SETD1B: variants seen among roughly 807,000 people sequenced by gnomAD.
SETD1B encodes the protein SET domain containing 1B, histone lysine methyltransferase.
Under a neutral mutation model 148.0 loss-of-function variants are expected in SETD1B, and 7 were observed. That is an observed-to-expected ratio of 0.05 (90% CI 0.03 to 0.09). The LOEUF is 0.09. Among genes scored for constraint, SETD1B ranks in the 10% least tolerant of loss-of-function variants. SETD1B has a pLI of 1.00. For missense variants in SETD1B, 2,155 were observed against 2,729.9 expected (o/e 0.79, Z 4.69); for synonymous variants, 1,361 against 1,186.5 (o/e 1.15, Z -3.02).
chr12:121,825,495 A>C, intron 13 of SETD1B, 129 bp downstream of exon 13: 2 of 640,554 alleles, frequency 3.1e-6, no homozygotes, highest in Non-Finnish European at 5.0e-6. Context: ...CAGAGGGTGC[A>C]AGTGGAAGGG....
chr12:121,819,567 G>A lies in SETD1B; in HGVS notation c.3582G>A (p.Glu1194=). 6.4e-7 allele frequency: 1 copy of A among 1,552,628 alleles called. No homozygotes were observed. The highest frequency in any genetic ancestry group is 8.7e-7 in the Non-Finnish European group (1 of 1,147,320). ...AGGAGGAAGAAGAGGAGGAGGAGGA[G>A]ATGGTGGCCGAGGAAAGCATGGCTT... ...REEEEEEEEE[E]MVAEESMASA... Residue 1194 remains glutamate (E), a synonymous_variant, in exon 11 of 17, where the codon GAG becomes GAA. Transcript: ENST00000604567.
chr12:121,797,298 G>T, the SETD1B span: 1 of 384,502 alleles, frequency 2.6e-6, no homozygotes, highest in South Asian at 1.9e-5. Flanking sequence ...CCACCTCCTG[G>T]CCGGCCCTTC....
At chr12:121,824,657 A>AAC (rs1555338238) in intron 12 of SETD1B, among the ~76,000 whole-genome samples, 1 of 151,020 alleles carries the variant, frequency 6.6e-6, no homozygotes, top group African/African-American at 2.4e-5. Flanking sequence ...AAAAAAAAAA[A>AAC]AAAACTCTGC....
At position 121,810,191 on chromosome 12, in the gene SETD1B, G is replaced by A. The variant is rs1284674838; in HGVS notation, c.1246G>A (p.Ala416Thr). 3.2e-5 allele frequency: 49 copies of A among 1,549,442 alleles called. No individual in the cohort carries two copies. The highest frequency in any genetic ancestry group is 3.9e-5 in the Admixed American group (2 of 50,962). The stretch of plus-strand genomic sequence containing the variant: ...CCCTCCACCCCCGGAAGAGCCCACC[G>A]CCACAGCCGCTTTTGGGGCCCGCGA... ...HFPPPPEEPT[A>T]TAAFGARDSG... The change falls in exon 6 of 17, where the codon GCC (alanine) becomes ACC (threonine). Residue 416 changes from alanine (A) to threonine (T), a missense_variant. Ala to Thr is a moderately conservative substitution (Grantham distance 58). This residue lies in a region of SETD1B where 376 missense variants were observed against 385.0 expected (regional missense o/e 0.98). Transcript: ENST00000604567. This position sits in a 1 kb window ranked among gnomAD's most constrained non-coding sequence, Gnocchi z 7.6.
At chr12:121,814,001 TCA>T in intron 6 of SETD1B, 103 bp from the exon 7 acceptor site, 1 of 924,946 alleles carries the variant, frequency 1.1e-6, no homozygotes. Flanking sequence ...TTGCACTGGG[TCA>T]CACAGCTGGG....
chr12:121,810,882 T>A lies in SETD1B; in HGVS notation c.1890+47T>A. 7 of 1,448,880 alleles carry A rather than the reference T, an allele frequency of 4.8e-6. No homozygotes were observed. The highest frequency in any genetic ancestry group is 6.4e-6 in the Non-Finnish European group (7 of 1,095,310). The allele number at this position is 1,448,880 out of a possible 1,614,324, so 89.8% of individuals were successfully genotyped here. A position where few individuals can be genotyped will look rare whatever the true frequency, so the allele number is the denominator to read the frequency against. On this transcript the variant is annotated intron_variant, in intron 6 of 16. Transcript: ENST00000604567. The surrounding 1 kb of genome is among the most constrained non-coding windows in gnomAD (Gnocchi z 7.6). Reference sequence around the variant, plus strand: ...TGTCTGGGACTGGTTTTGTCTATCTTGTATCTCCCTTTCCCCCTTCAAGCA... The same window carrying A: ...TGTCTGGGACTGGTTTTGTCTATCTAGTATCTCCCTTTCCCCCTTCAAGCA...
At chr12:121,825,548 C>T (rs1876800300) in intron 13 of SETD1B, among the ~76,000 whole-genome samples, 182 bp downstream of exon 13, 1 of 152,130 alleles carries the variant, frequency 6.6e-6, no homozygotes, top group Admixed American at 6.5e-5. Flanking sequence ...AGGAGTTTGC[C>T]TTAGTCCCAT....
rs1293082408 is a variant in SETD1B at position 121,823,311 on chromosome 12, G to A, written c.4732G>A (p.Gly1578Arg). 1.9e-6 allele frequency: 3 copies of A among 1,547,648 alleles called. No homozygotes were observed. Among genetic ancestry groups the A allele is most frequent in the East Asian group, 2.4e-5 (1 of 40,836 alleles). Residue 1578 changes from glycine (G) to arginine (R), a missense_variant, in exon 12 of 17, where the codon GGG (glycine) becomes AGG (arginine). Physicochemically the swap from Gly to Arg is moderately radical, Grantham distance 125. Transcript: ENST00000604567. ...RTVTLDFRNA[G>R]IPAPPPPLPP... is the part of the protein sequence containing the mutation. ...GGTGACCCTGGACTTCCGGAACGCG[G>A]GGATCCCAGCCCCTCCACCACCCCT...
Position 121,817,345 on chromosome 12 carries a change from G to T in SETD1B, c.2978-25G>T, listed in dbSNP as rs1280888688. On this transcript the variant is annotated intron_variant, in intron 8 of 16. Coordinates refer to ENST00000604567, the MANE Select transcript of SETD1B (RefSeq NM_001353345.2). This position sits in a 1 kb window ranked among gnomAD's most constrained non-coding sequence, Gnocchi z 8.1. ...CCTTCTTCCGCATCCCCCCAGCCCA[G>T]CTCTGACTCCCTCCCTTCCTGCAGA... is the stretch of plus-strand genomic sequence containing the variant. 6.5e-7 allele frequency: 1 copy of T among 1,534,258 alleles called. No individual in the cohort carries two copies.
chr12:121,797,466 G>A, the SETD1B span: 1 of 456,534 alleles, frequency 2.2e-6, no homozygotes, highest in Non-Finnish European at 4.4e-6. Flanking sequence ...CCCAAGAGGT[G>A]ATGGTGGGGG....
Position 121,822,711 on chromosome 12 carries a change from A to G in SETD1B, c.4132A>G (p.Thr1378Ala). ...CCTGGCCAAGTCGCAGAGCACAGAGACGGTGCCAGCCACACCAGGCGGGGA... is the reference window on the plus strand; with the variant it reads ...CCTGGCCAAGTCGCAGAGCACAGAGGCGGTGCCAGCCACACCAGGCGGGGA... ...GSLAKSQSTE[T>A]VPATPGGEPP... The change falls in exon 12 of 17, where the codon ACG becomes GCG. Residue 1378 changes from threonine (T) to alanine (A), a missense_variant. Physicochemically the swap from Thr to Ala is moderately conservative, Grantham distance 58. Coordinates refer to ENST00000604567, the MANE Select transcript of SETD1B (RefSeq NM_001353345.2). The G allele has an allele frequency of 6.5e-7, 1 of 1,530,706 alleles. No individual in the cohort carries two copies. The highest frequency in any genetic ancestry group is 1.4e-5 in the African/African-American group (1 of 72,712). The allele number at this position is 1,530,706 out of a possible 1,614,324, so 94.8% of individuals were successfully genotyped here.
chr12:121,790,960 G>A, the SETD1B span, among the ~76,000 whole-genome samples: 11 of 152,022 alleles, frequency 7.2e-5, no homozygotes, highest in Non-Finnish European at 1.3e-4. Context: ...TGCAATTTCC[G>A]CCTCCTGGGT....
At chr12:121,825,080 TG>T in intron 12 of SETD1B, 119 bp from the exon 13 acceptor site, 1 of 998,556 alleles carries the variant, frequency 1.0e-6, no homozygotes, top group Non-Finnish European at 1.4e-6. Context: ...GGCATGGGAG[TG>T]GGCAGTAGAA....
At position 121,831,622 on chromosome 12, in the gene SETD1B, A is replaced by G. The variant is rs1479668802; in HGVS notation, c.*1383A>G. On this transcript the variant is annotated 3_prime_UTR_variant, in exon 17 of 17. Coordinates refer to ENST00000604567, the MANE Select transcript of SETD1B (RefSeq NM_001353345.2). Reference sequence around the variant, plus strand: ...TTTTGCTCATTTCTTTGTACTTCCAAAAAAAAAGGAAAAAAAAGACAAAAG... The same window carrying G: ...TTTTGCTCATTTCTTTGTACTTCCAGAAAAAAAGGAAAAAAAAGACAAAAG... 1 of 151,514 alleles carries G rather than the reference A, an allele frequency of 6.6e-6. No homozygotes were observed. Among genetic ancestry groups the G allele is most frequent in the Non-Finnish European group, 1.5e-5 (1 of 67,828 alleles). 9.4% of individuals were successfully genotyped at this position (151,514 alleles called of 1,614,324 possible).
At chr12:121,826,104 T>G (rs1441299635) in intron 13 of SETD1B, among the ~76,000 whole-genome samples, 1 of 151,956 alleles carries the variant, frequency 6.6e-6, no homozygotes, top group African/African-American at 2.4e-5. Context: ...TGAGACGGGG[T>G]CTCACTCTGT....
the SETD1B span, chr12:121,797,740 C>T: frequency 5.3e-6 from 2 of 374,028 alleles, no homozygotes; most frequent in Middle Eastern, 1.2e-3. Flanking sequence ...GGAGGCGCCA[C>T]ACCCTCGGGC....
rs374547458 is a variant in SETD1B, at chr12:121,817,391, G to A, written c.2999G>A (p.Arg1000Gln). Residue 1000 changes from arginine (R) to glutamine (Q), a missense_variant, in exon 9 of 17, where the codon CGG (arginine) becomes CAG (glutamine). Coordinates refer to ENST00000604567, the MANE Select transcript of SETD1B (RefSeq NM_001353345.2). This position sits in a 1 kb window ranked among gnomAD's most constrained non-coding sequence, Gnocchi z 8.1. Reference sequence around the variant, plus strand: ...GCAGAGTCCGAGCGAGAGCGAGACCGGGATATGGCAGACACCCCCTGTGAG... The same window carrying A: ...GCAGAGTCCGAGCGAGAGCGAGACCAGGATATGGCAGACACCCCCTGTGAG... ...EDEESERERD[R>Q]DMADTPCELA... 308 of 1,527,574 alleles carry A rather than the reference G, an allele frequency of 2.0e-4. No homozygotes were observed. The highest frequency in any genetic ancestry group is 2.6e-4 in the Non-Finnish European group (290 of 1,131,836). 94.6% of individuals were successfully genotyped at this position (1,527,574 alleles called of 1,614,324 possible). A position where few individuals can be genotyped will look rare whatever the true frequency, so the allele number is the denominator to read the frequency against.
At chr12:121,802,159 C>T (rs1347365858), upstream of SETD1B, 1 of 152,166 alleles carries the variant, frequency 6.6e-6, no homozygotes, top group Non-Finnish European at 1.5e-5. Context: ...GCATTTAGTG[C>T]TGTAAACATT....
At chr12:121,796,696 C>T in the SETD1B span, among the ~76,000 whole-genome samples, 7 of 152,356 alleles carry the variant, frequency 4.6e-5, no homozygotes, top group South Asian at 1.0e-3. Context: ...AAGGCCACTC[C>T]TTGAGTGCTA....
Sources: gnomAD v4.1 joint callset for allele counts (sites outside exome capture counted in the v4.1 genomes callset) on GRCh38, gnomAD v4.1.1 for gene constraint, gnomAD v4.1.1 regional missense constraint, Gnocchi (gnomAD v3.1) non-coding constraint, MANE v1.5 for transcripts, NCBI Gene and HGNC (gene_info 2026-07-23, HGNC 2026-07-21) for gene names.